MTA3: variants seen among roughly 807,000 people sequenced by gnomAD.
The protein encoded by MTA3 is metastasis-associated protein MTA3.
Under a neutral mutation model 83.5 loss-of-function variants are expected in MTA3, and 34 were observed. The ratio of observed to expected loss-of-function variants is 0.41; its 90% CI spans 0.31 to 0.54. The LOEUF (loss-of-function observed/expected upper bound fraction) is 0.54. Among genes scored for constraint, MTA3 ranks in the 20% least tolerant of loss-of-function variants. The pLI, the probability that MTA3 is intolerant of heterozygous loss-of-function variation, is 0.33. For missense variants in MTA3, 761 were observed against 726.4 expected, an observed-to-expected ratio of 1.05 and a Z score of -0.55; for synonymous variants, 303 against 252.7, an observed-to-expected ratio of 1.20 and a Z score of -1.89.
At chr2:42,585,514 G>A (rs1474176722) in intron 3 of MTA3, among the ~76,000 whole-genome samples, 2 of 130,512 alleles carry the variant, frequency 1.5e-5, no homozygotes, top group African/African-American at 5.9e-5. Context: ...TCACTCTGTC[G>A]CCCAGGCCGG....
At chr2:42,723,644 T>C (rs1041856758) in intron 16 of MTA3, among the ~76,000 whole-genome samples, 1 of 152,248 alleles carries the variant, frequency 6.6e-6, no homozygotes, top group Non-Finnish European at 1.5e-5. Flanking sequence ...CTGAATTATC[T>C]TCTCATTTGG....
At chr2:42,708,700 C>T (rs1480336629) in intron 13 of MTA3, among the ~76,000 whole-genome samples, 174 bp from the exon 14 acceptor site, 1 of 152,226 alleles carries the variant, frequency 6.6e-6, no homozygotes, top group Non-Finnish European at 1.5e-5. Context: ...CTCCCCACCT[C>T]TTTCCCAAAA....
At chr2:42,623,628 T>C (rs1685788037) in intron 4 of MTA3, among the ~76,000 whole-genome samples, 1 of 152,154 alleles carries the variant, frequency 6.6e-6, no homozygotes, top group Admixed American at 6.6e-5. Flanking sequence ...TTTTCACTGT[T>C]TGGATTTTGC....
chr2:42,611,322 T>TACACACACAA (rs1684188033), intron 4 of MTA3, among the ~76,000 whole-genome samples: 1 of 16,062 alleles, frequency 6.2e-5, no homozygotes, highest in African/African-American at 2.2e-4. Context: ...ACTTAACACA[T>TACACACACAA]ACACACACAC....
chr2:42,506,416 T>C (rs1220789541), intron 2 of MTA3, among the ~76,000 whole-genome samples: 1 of 151,968 alleles, frequency 6.6e-6, no homozygotes, highest in Non-Finnish European at 1.5e-5. Flanking sequence ...ATCATGCCAC[T>C]GCACTCCAGC....
intron 2 of MTA3, among the ~76,000 whole-genome samples, chr2:42,554,554 G>T (rs1002426685): frequency 6.6e-6 from 1 of 152,124 alleles, no homozygotes; most frequent in Admixed American, 6.5e-5. Context: ...ATCCCTGGGG[G>T]CCAGGGATAG....
At chr2:42,531,884 G>A (rs1438553223) in intron 2 of MTA3, among the ~76,000 whole-genome samples, 1 of 152,086 alleles carries the variant, frequency 6.6e-6, no homozygotes, top group African/African-American at 2.4e-5. Flanking sequence ...AGCCTCCCGA[G>A]TAGCTGGGAC....
At chr2:42,560,308 T>C (rs1677606265) in intron 2 of MTA3, among the ~76,000 whole-genome samples, 1 of 150,928 alleles carries the variant, frequency 6.6e-6, no homozygotes, top group Non-Finnish European at 1.5e-5. Context: ...TGTGCCCGGC[T>C]GATTTTTTTT....
At chr2:42,640,372 G>A (rs1573430756) in intron 5 of MTA3, 136 bp downstream of exon 5, 1 of 643,712 alleles carries the variant, frequency 1.6e-6, no homozygotes, top group East Asian at 3.1e-5. Flanking sequence ...TAAAAGTATA[G>A]TGACTAGAAT....
intron 4 of MTA3, among the ~76,000 whole-genome samples, chr2:42,622,962 C>A (rs1685725612): frequency 1.3e-5 from 2 of 152,058 alleles, no homozygotes; most frequent in South Asian, 4.1e-4. Flanking sequence ...GAAAAATAAA[C>A]CAATGAAACA....
intron 14 of MTA3, among the ~76,000 whole-genome samples, chr2:42,714,860 A>G (rs568266252): frequency 1.3e-5 from 2 of 152,208 alleles, no homozygotes; most frequent in Non-Finnish European, 2.9e-5. Flanking sequence ...ATGAGAATCT[A>G]ATGCTGCCAC....
In MTA3 at chr2:42,754,644, C is replaced by T. The variant is rs1451714004; in HGVS notation, c.*1245C>T. 4 of 985,424 alleles carry T rather than the reference C, an allele frequency of 4.1e-6. No homozygotes were observed. The highest frequency in any genetic ancestry group is 4.8e-6 in the Non-Finnish European group (4 of 830,004). 61.0% of individuals were successfully genotyped at this position (985,424 alleles called of 1,614,324 possible). ...CCCTCTGTTTGCAGGCACAGGGTCACAGTCCCAAGAAAGACAACTGGAGTC... is the reference window on the plus strand; with the variant it reads ...CCCTCTGTTTGCAGGCACAGGGTCATAGTCCCAAGAAAGACAACTGGAGTC... On this transcript the variant is annotated 3_prime_UTR_variant, in exon 17 of 17. Transcript: ENST00000405094.
At chr2:42,579,550 G>T (rs1679396955) in intron 3 of MTA3, among the ~76,000 whole-genome samples, 1 of 150,912 alleles carries the variant, frequency 6.6e-6, no homozygotes, top group South Asian at 2.1e-4. Flanking sequence ...CCTCATCCTT[G>T]CAAAGTGCTG....
chr2:42,655,706 G>T (rs111848532), intron 6 of MTA3, among the ~76,000 whole-genome samples: 2 of 152,150 alleles, frequency 1.3e-5, no homozygotes, highest in African/African-American at 2.4e-5. Flanking sequence ...GGGTTCAAGC[G>T]ATTCTCGTGC....
chr2:42,740,149 A>G (rs1668922953), intron 16 of MTA3, among the ~76,000 whole-genome samples: 3 of 152,258 alleles, frequency 2.0e-5, no homozygotes, highest in Admixed American at 6.5e-5. Context: ...CAGATCCATC[A>G]GAGGAATCAT....
At chr2:42,622,597 G>A (rs536195560) in intron 4 of MTA3, among the ~76,000 whole-genome samples, 4 of 152,058 alleles carry the variant, frequency 2.6e-5, no homozygotes, top group Admixed American at 1.3e-4. Context: ...TGTATCCAAC[G>A]TAAGTTCTTT....
chr2:42,704,333 G>A lies in MTA3; in HGVS notation c.1150+15G>A, dbSNP rs766633752. On this transcript the variant is annotated intron_variant, in intron 12 of 16. Coordinates refer to ENST00000405094, the MANE Select transcript of MTA3 (RefSeq NM_001330442.2). ...GAGCTGCTATGGTAAGTTTTCTCTAGCAGGTCAGTTAAGCATCGGGAACTG... is the reference window on the plus strand; with the variant it reads ...GAGCTGCTATGGTAAGTTTTCTCTAACAGGTCAGTTAAGCATCGGGAACTG... The A allele has an allele frequency of 6.2e-7, 1 of 1,613,248 alleles. No individual in the cohort carries two copies. The highest frequency in any genetic ancestry group is 8.5e-7 in the Non-Finnish European group (1 of 1,179,488).
upstream of MTA3, among the ~76,000 whole-genome samples, chr2:42,563,776 A>ATACATTCCTTCC (rs1553342588): frequency 3.5e-5 from 4 of 114,460 alleles, no homozygotes; most frequent in African/African-American, 1.4e-4. Context: ...TGGACCAAAC[A>ATACATTCCTTCC]TTCCTTCCTT....
intron 11 of MTA3, 130 bp from the exon 12 acceptor site, chr2:42,704,064 A>T: frequency 2.7e-6 from 3 of 1,091,560 alleles, no homozygotes; most frequent in Non-Finnish European, 3.9e-6. Flanking sequence ...TTACCAGTTT[A>T]TTTCTTCTTC....
Sources: allele counts gnomAD v4.1 joint callset (sites outside exome capture counted in the v4.1 genomes callset), GRCh38; gene constraint gnomAD v4.1.1; transcripts MANE v1.5; gene names NCBI Gene and HGNC (gene_info 2026-07-23, HGNC 2026-07-21).